The following TMEM132B variants were observed in gnomAD, a reference collection of about 807,000 sequenced individuals.
The protein encoded by TMEM132B is transmembrane protein 132B.
In TMEM132B, 18 loss-of-function variants were observed where a neutral mutation model predicts 90.8. The ratio of observed to expected loss-of-function variants is 0.20; its 90% CI spans 0.14 to 0.29. TMEM132B has a LOEUF of 0.29. Ranked by LOEUF, TMEM132B falls within the 10% of genes least tolerant of loss-of-function variation. The probability of loss-of-function intolerance (pLI) is 1.00; values close to 1 mark genes in which losing one functional copy is unlikely to be tolerated. For synonymous variants in TMEM132B, 504 were observed against 523.3 expected (o/e 0.96, Z 0.50); for missense variants, 1,096 against 1,326.8 (o/e 0.83, Z 2.70).
chr12:125,222,073 A>G (rs1873571736), intron 1 of TMEM132B, among the ~76,000 whole-genome samples: 1 of 152,212 alleles, frequency 6.6e-6, no homozygotes, highest in African/African-American at 2.4e-5. Flanking sequence ...GCCTTTGCAT[A>G]AGAAAAACTG....
intron 3 of TMEM132B, among the ~76,000 whole-genome samples, chr12:125,443,922 G>GT (rs1212555032): frequency 6.6e-6 from 1 of 151,994 alleles, no homozygotes. Flanking sequence ...GGGCAGGGGT[G>GT]ATGAAAGTGT....
intron 1 of TMEM132B, among the ~76,000 whole-genome samples, chr12:125,204,835 C>T (rs1873141004): frequency 8.9e-6 from 1 of 112,478 alleles, no homozygotes; most frequent in African/African-American, 3.5e-5. Context: ...AATGAGGGCT[C>T]CGTGTACCAG....
intron 1 of TMEM132B, among the ~76,000 whole-genome samples, chr12:125,240,590 T>G (rs1373433790): frequency 6.6e-6 from 1 of 152,100 alleles, no homozygotes; most frequent in South Asian, 2.1e-4. Flanking sequence ...CATTGACCTC[T>G]TGGTTCAAGC....
intron 2 of TMEM132B, among the ~76,000 whole-genome samples, chr12:125,388,465 G>C (rs192627484): frequency 2.0e-5 from 3 of 152,052 alleles, no homozygotes; most frequent in African/African-American, 7.2e-5. Flanking sequence ...ACAAAAACCT[G>C]TTGTCCCGTA....
At chr12:125,223,577 A>C (rs1873606642) in intron 1 of TMEM132B, among the ~76,000 whole-genome samples, 1 of 152,220 alleles carries the variant, frequency 6.6e-6, no homozygotes, top group Admixed American at 6.5e-5. Flanking sequence ...AGAATATTTA[A>C]AATATTTTGC....
At chr12:125,194,564 T>G (rs1295363935) in intron 1 of TMEM132B, among the ~76,000 whole-genome samples, 1 of 152,158 alleles carries the variant, frequency 6.6e-6, no homozygotes, top group Admixed American at 6.5e-5. Context: ...GCTCTTTGTT[T>G]GCTGGGTCCT....
intron 1 of TMEM132B, among the ~76,000 whole-genome samples, chr12:125,272,810 C>T (rs1044932924): frequency 1.1e-4 from 17 of 152,306 alleles, no homozygotes; most frequent in African/African-American, 3.6e-4. Flanking sequence ...CAGGTCATTA[C>T]CCATCCCTGC....
At chr12:125,382,591 G>A (rs1206537512) in intron 2 of TMEM132B, among the ~76,000 whole-genome samples, 1 of 152,120 alleles carries the variant, frequency 6.6e-6, no homozygotes, top group African/African-American at 2.4e-5. Flanking sequence ...AAACTGAGAT[G>A]TAAACAAGAA....
At chr12:125,541,544 G>A (rs1320285551) in intron 4 of TMEM132B, among the ~76,000 whole-genome samples, 1 of 152,054 alleles carries the variant, frequency 6.6e-6, no homozygotes, top group Non-Finnish European at 1.5e-5. Flanking sequence ...ATAAAGGTAG[G>A]TAGATTTCAT....
intron 4 of TMEM132B, among the ~76,000 whole-genome samples, chr12:125,532,459 G>A (rs1883670006): frequency 6.6e-6 from 1 of 151,964 alleles, no homozygotes; most frequent in Admixed American, 6.5e-5. Flanking sequence ...GATTATGCAA[G>A]GGATTTTATG....
chr12:125,468,730 ATGG>A (rs1485444000), intron 3 of TMEM132B, among the ~76,000 whole-genome samples: 24 of 152,356 alleles, frequency 1.6e-4, no homozygotes, highest in African/African-American at 5.5e-4. Flanking sequence ...ATTCATGAAC[ATGG>A]GATGTCTTTC....
chr12:125,347,654 C>T (rs1394086757), intron 1 of TMEM132B, among the ~76,000 whole-genome samples: 12 of 152,158 alleles, frequency 7.9e-5, no homozygotes, highest in African/African-American at 1.2e-4. Flanking sequence ...TTAAGCGCCA[C>T]GGTCAGGTGC....
chr12:125,261,005 G>A (rs1874555275), intron 1 of TMEM132B, among the ~76,000 whole-genome samples: 1 of 152,046 alleles, frequency 6.6e-6, no homozygotes, highest in Non-Finnish European at 1.5e-5. Context: ...AATAATGTGT[G>A]TGCCATCCAG....
chr12:125,267,703 A>G (rs1487052765), intron 1 of TMEM132B, among the ~76,000 whole-genome samples: 2 of 152,114 alleles, frequency 1.3e-5, no homozygotes, highest in Non-Finnish European at 2.9e-5. Context: ...GAGCTTGAGC[A>G]TGGGTTAGGG....
At chr12:125,189,113 C>T (rs1957780204) in intron 1 of TMEM132B, among the ~76,000 whole-genome samples, 1 of 152,156 alleles carries the variant, frequency 6.6e-6, no homozygotes, top group Non-Finnish European at 1.5e-5. Flanking sequence ...CCCCACCCCC[C>T]TTCCTGCGTG....
At chr12:125,525,364 A>G (rs574343080) in intron 4 of TMEM132B, among the ~76,000 whole-genome samples, 31 of 152,186 alleles carry the variant, frequency 2.0e-4, no homozygotes, top group Non-Finnish European at 4.0e-4. Flanking sequence ...TTGGAAAGTG[A>G]TTAGCCATGA....
chr12:125,401,070 C>T (rs2136320401), intron 2 of TMEM132B, among the ~76,000 whole-genome samples: 1 of 152,302 alleles, frequency 6.6e-6, no homozygotes, highest in African/African-American at 2.4e-5. Context: ...GTTTGAGAGC[C>T]TCTGGTCCAC....
At chr12:125,352,508 C>G (rs1877622168) in intron 2 of TMEM132B, among the ~76,000 whole-genome samples, 2 of 152,242 alleles carry the variant, frequency 1.3e-5, no homozygotes, top group Non-Finnish European at 1.5e-5. Context: ...CTTATCGTCT[C>G]TGGACCTTAG....
intron 3 of TMEM132B, among the ~76,000 whole-genome samples, chr12:125,507,842 A>G (rs1297263379): frequency 1.3e-5 from 2 of 152,078 alleles, no homozygotes; most frequent in African/African-American, 4.8e-5. Context: ...TAACACAAGC[A>G]CTCTGGCTGC....
Sources: gnomAD v4.1 joint callset for allele counts (sites outside exome capture counted in the v4.1 genomes callset) on GRCh38, gnomAD v4.1.1 for gene constraint, MANE v1.5 for transcripts, NCBI Gene and HGNC (gene_info 2026-07-23, HGNC 2026-07-21) for gene names.